Variants in LGSN observed in about 807,000 individuals in gnomAD.
LGSN encodes the protein lengsin, lens protein with glutamine synthetase domain, also known as lengsin.
A neutral mutation model predicts 19.5 loss-of-function variants in LGSN; 21 were observed. The ratio of observed to expected loss-of-function variants is 1.07; its 90% CI spans 0.76 to 1.55. LGSN has a LOEUF of 1.55. LGSN is among the 40% of genes most tolerant of loss of function. The pLI, the probability that LGSN is intolerant of heterozygous loss-of-function variation, is 0.00. For synonymous variants in LGSN, 257 were observed against 215.6 expected (o/e 1.19, Z -1.68); for missense variants, 673 against 608.5 (o/e 1.11, Z -1.12).
chr6:63,488,766 C>G, the LGSN span, among the ~76,000 whole-genome samples: 19 of 151,414 alleles, frequency 1.3e-4, no homozygotes, highest in African/African-American at 3.9e-4. Flanking sequence ...TGCAGTGAGC[C>G]GAGATCACGC....
intron 1 of LGSN, among the ~76,000 whole-genome samples, chr6:63,318,221 G>T (rs979545460): frequency 6.6e-6 from 1 of 152,124 alleles, no homozygotes; most frequent in African/African-American, 2.4e-5. Context: ...TCAGACTGGG[G>T]AAGTAAGTAT....
the LGSN span, among the ~76,000 whole-genome samples, chr6:63,521,513 G>T: frequency 3.9e-5 from 6 of 152,114 alleles, no homozygotes; most frequent in South Asian, 1.0e-3. Flanking sequence ...TGTAAAGAGG[G>T]TAAATGACAG....
chr6:63,549,599 T>C, the LGSN span: 1 of 577,310 alleles, frequency 1.7e-6, no homozygotes, highest in South Asian at 2.3e-5. Context: ...TTATGTGATA[T>C]ATATACACAA....
the LGSN span, among the ~76,000 whole-genome samples, chr6:63,550,652 T>A: frequency 6.6e-6 from 1 of 152,108 alleles, no homozygotes; most frequent in Non-Finnish European, 1.5e-5. Context: ...TGAGACAGGG[T>A]CTCCCTCTGT....
the LGSN span, among the ~76,000 whole-genome samples, chr6:63,531,699 C>T: frequency 6.6e-6 from 1 of 151,784 alleles, no homozygotes; most frequent in African/African-American, 2.4e-5. Context: ...ACCATGTTGC[C>T]CAGGCTGGTC....
chr6:63,531,460 C>T, the LGSN span, among the ~76,000 whole-genome samples: 1 of 149,852 alleles, frequency 6.7e-6, no homozygotes, highest in Non-Finnish European at 1.5e-5. Context: ...TCACAAAATC[C>T]AGAAGAGATA....
At chr6:63,455,738 G>A in the LGSN span, among the ~76,000 whole-genome samples, 1 of 151,724 alleles carries the variant, frequency 6.6e-6, no homozygotes, top group African/African-American at 2.4e-5. Context: ...TGGGCAACAA[G>A]AGTGAAACTC....
the LGSN span, chr6:63,548,634 C>A: frequency 5.1e-6 from 2 of 394,228 alleles, no homozygotes; most frequent in Non-Finnish European, 9.4e-6. Context: ...TAAACACAAC[C>A]CTGATTTAAT....
chr6:63,454,798 T>TTTC, the LGSN span, among the ~76,000 whole-genome samples: 1,120 of 133,598 alleles, frequency 8.4e-3, 26 homozygotes, highest in African/African-American at 0.03. Context: ...TTTTTCTTTT[T>TTTC]TTTTTTTTTT....
chr6:63,550,416 A>C, the LGSN span: 1 of 152,122 alleles, frequency 6.6e-6, no homozygotes, highest in Non-Finnish European at 1.5e-5. Context: ...AGACGACTCT[A>C]CCTGAGGGTG....
At chr6:63,572,522 G>T in the LGSN span, 1 of 392,048 alleles carries the variant, frequency 2.6e-6, no homozygotes, top group African/African-American at 2.1e-5. Context: ...GGGCCGGCTC[G>T]GCTACGCGCT....
chr6:63,361,245 C>A, the LGSN span, among the ~76,000 whole-genome samples: 1 of 152,214 alleles, frequency 6.6e-6, no homozygotes. Flanking sequence ...TTATGCCCTG[C>A]CCCCTGAGGT....
chr6:63,451,967 G>A, the LGSN span, among the ~76,000 whole-genome samples: 1 of 151,138 alleles, frequency 6.6e-6, no homozygotes, highest in African/African-American at 2.4e-5. Context: ...TAATAGTTTG[G>A]ATTCCATTGA....
the LGSN span, among the ~76,000 whole-genome samples, chr6:63,350,342 T>C: frequency 6.6e-6 from 1 of 152,254 alleles, no homozygotes; most frequent in Admixed American, 6.5e-5. Context: ...TATTAAAATA[T>C]ACAAAGGACT....
At chr6:63,491,127 C>T in the LGSN span, among the ~76,000 whole-genome samples, 1 of 152,172 alleles carries the variant, frequency 6.6e-6, no homozygotes, top group Middle Eastern at 3.2e-3. Context: ...CTATCTGGCC[C>T]TTTCCCAGGG....
chr6:63,559,842 G>A, the LGSN span, among the ~76,000 whole-genome samples: 1 of 152,240 alleles, frequency 6.6e-6, no homozygotes, highest in South Asian at 2.1e-4. Flanking sequence ...GCCCAGGCTG[G>A]TTTCGAACTC....
the LGSN span, among the ~76,000 whole-genome samples, chr6:63,413,396 A>G: frequency 6.6e-6 from 1 of 152,206 alleles, no homozygotes; most frequent in Non-Finnish European, 1.5e-5. Context: ...ATTTAAAAAG[A>G]AAGATTGGCT....
intron 1 of LGSN, among the ~76,000 whole-genome samples, chr6:63,318,994 A>C (rs984242699): frequency 6.6e-6 from 1 of 152,188 alleles, no homozygotes; most frequent in Non-Finnish European, 1.5e-5. Context: ...GTGACATGAC[A>C]GTACAGGATA....
At chr6:63,535,688 GT>G in the LGSN span, among the ~76,000 whole-genome samples, 403 of 152,278 alleles carry the variant, frequency 2.6e-3, 1 homozygote, top group Non-Finnish European at 4.6e-3. Flanking sequence ...ATTTATAGTA[GT>G]TTTGATGAGT....
Sources: gnomAD v4.1 joint callset for allele counts (sites outside exome capture counted in the v4.1 genomes callset) on GRCh38, gnomAD v4.1.1 for gene constraint, MANE v1.5 for transcripts, NCBI Gene and HGNC (gene_info 2026-07-23, HGNC 2026-07-21) for gene names.